ADAMTSL1: variants seen among roughly 807,000 people sequenced by gnomAD.
ADAMTSL1 encodes the protein ADAMTS like 1.
ADAMTSL1 carries 126 observed loss-of-function variants against 201.8 expected under a neutral mutation model. The observed-to-expected ratio is 0.62, with a 90% CI of 0.54 to 0.72. ADAMTSL1 has a LOEUF of 0.72. Ranked by LOEUF, ADAMTSL1 falls within the 30% of genes least tolerant of loss-of-function variation. The pLI is 0.00. For synonymous variants in ADAMTSL1, 1,121 were observed against 903.4 expected (o/e 1.24, Z -4.32); for missense variants, 2,679 against 2,277.8 (o/e 1.18, Z -3.59).
chr9:18,697,562 G>A lies in ADAMTSL1; in HGVS notation c.1575-9185G>A, dbSNP rs564603720. 2.0e-5 allele frequency among the ~76,000 whole-genome samples: 3 copies of A among 152,274 alleles called. No individual in the cohort carries two copies. In the South Asian group the frequency reaches 6.2e-4, roughly 32 times the overall value. On this transcript the variant is annotated intron_variant, in intron 13 of 28. Coordinates refer to ENST00000380548, the MANE Select transcript of ADAMTSL1 (RefSeq NM_001040272.6). Reference sequence around the variant, plus strand: ...ACCCATCTCCCAACAATGTCATAATGAGTTGTATATGTAAAATGCATAAAG... The same window carrying A: ...ACCCATCTCCCAACAATGTCATAATAAGTTGTATATGTAAAATGCATAAAG...
chr9:18,403,848 T>C (rs1011858046), intron 2 of ADAMTSL1, among the ~76,000 whole-genome samples: 85 of 152,288 alleles, frequency 5.6e-4, no homozygotes, highest in African/African-American at 1.9e-3. Flanking sequence ...ATATTTTAAA[T>C]CAATATTCTT....
At position 18,367,961 on chromosome 9, in the gene ADAMTSL1, G is replaced by C. The variant is rs58720165; in HGVS notation, c.208-136868G>C. On this transcript the variant is annotated intron_variant, in intron 2 of 29. Coordinates refer to the ADAMTSL1 transcript ENST00000680146. Reference sequence around the variant, plus strand: ...GTCGCCCAGGCTGGAGTGCAGTGGCGCGATCTCGGCTCACTACAAGCTCCG... The same window carrying C: ...GTCGCCCAGGCTGGAGTGCAGTGGCCCGATCTCGGCTCACTACAAGCTCCG... Among the ~76,000 whole-genome samples the C allele has an allele frequency of 7.9e-3, 1,196 of 152,044 alleles. 16 individuals are homozygous for C. Among genetic ancestry groups the C allele is most frequent in the African/African-American group, 0.027 (1,117 of 41,484 alleles).
chr9:18,884,204 G>GTATC (rs1239359057), intron 23 of ADAMTSL1, among the ~76,000 whole-genome samples: 4 of 152,142 alleles, frequency 2.6e-5, no homozygotes, highest in African/African-American at 9.7e-5. Context: ...GGCCATTCAT[G>GTATC]TATCTCTTTT....
At chr9:18,293,380 T>G (rs1417258077) in intron 2 of ADAMTSL1, among the ~76,000 whole-genome samples, 1 of 152,210 alleles carries the variant, frequency 6.6e-6, no homozygotes, top group African/African-American at 2.4e-5. Flanking sequence ...TTTGGTGACT[T>G]CTACAAGGAG....
chr9:18,904,789 G>C (rs1449483522), intron 26 of ADAMTSL1, among the ~76,000 whole-genome samples: 9 of 118,912 alleles, frequency 7.6e-5, no homozygotes, highest in Non-Finnish European at 1.3e-4. Flanking sequence ...GTGAATAATA[G>C]TGTCAAACTG....
At chr9:18,557,354 C>T (rs1233394169) in intron 3 of ADAMTSL1, among the ~76,000 whole-genome samples, 2 of 152,102 alleles carry the variant, frequency 1.3e-5, no homozygotes, top group South Asian at 2.1e-4. Context: ...AGCTTTCTCT[C>T]AGGTGAGAAC....
At chr9:18,311,350 A>T (rs78088504) in intron 2 of ADAMTSL1, among the ~76,000 whole-genome samples, 3 of 113,122 alleles carry the variant, frequency 2.7e-5, no homozygotes, top group South Asian at 2.3e-4. Flanking sequence ...AGGGTATAAT[A>T]AAAAAAAAAA....
chr9:18,698,740 A>G (rs1252557595), intron 13 of ADAMTSL1, among the ~76,000 whole-genome samples: 3 of 152,224 alleles, frequency 2.0e-5, no homozygotes, highest in Non-Finnish European at 4.4e-5. Context: ...CTTGCAAGCA[A>G]TGGTCAATTA....
intron 13 of ADAMTSL1, among the ~76,000 whole-genome samples, chr9:18,696,920 G>A (rs186273711): frequency 2.7e-4 from 38 of 140,796 alleles, no homozygotes; most frequent in East Asian, 2.5e-3. Context: ...TTGCTTTGTC[G>A]CCAGGCTGGA....
intron 3 of ADAMTSL1, among the ~76,000 whole-genome samples, chr9:18,571,630 G>A (rs1321149041): frequency 2.6e-5 from 4 of 152,202 alleles, no homozygotes; most frequent in Non-Finnish European, 5.9e-5. Context: ...ATGCTAAGCA[G>A]GAGAGAGCAG....
chr9:18,463,219 A>G (rs1161817206), intron 2 of ADAMTSL1, among the ~76,000 whole-genome samples: 1 of 152,194 alleles, frequency 6.6e-6, no homozygotes, highest in African/African-American at 2.4e-5. Context: ...GTAATTAGAC[A>G]TGGTTAATCA....
intron 23 of ADAMTSL1, among the ~76,000 whole-genome samples, chr9:18,877,335 G>C (rs1182814599): frequency 6.6e-6 from 1 of 152,112 alleles, no homozygotes; most frequent in Non-Finnish European, 1.5e-5. Context: ...TTGTTTTTCT[G>C]GTTCCTTTTC....
intron 25 of ADAMTSL1, among the ~76,000 whole-genome samples, chr9:18,890,000 G>T (rs150044447): frequency 6.6e-6 from 1 of 152,052 alleles, no homozygotes; most frequent in African/African-American, 2.4e-5. Context: ...AGTCCCTAAC[G>T]GGGTCTGTTC....
Position 17,972,230 on chromosome 9 carries a change from G to A in ADAMTSL1, c.87+65308G>A, listed in dbSNP as rs550937843. On this transcript the variant is annotated intron_variant, in intron 1 of 29. Transcript: ENST00000680146. Reference sequence around the variant, plus strand: ...CACAATGTGCAGGTTTGTTACCTATGCATACATGTGCCATGTTGGTGTGCT... The same window carrying A: ...CACAATGTGCAGGTTTGTTACCTATACATACATGTGCCATGTTGGTGTGCT... 4.6e-3 allele frequency among the ~76,000 whole-genome samples: 641 copies of A among 139,528 alleles called. 5 individuals are homozygous for A. Among genetic ancestry groups the A allele is most frequent in the African/African-American group, 0.016 (607 of 37,802 alleles). The allele number at this position is 139,528 out of a possible 152,430, so 91.5% of individuals were successfully genotyped here. A position where few individuals can be genotyped will look rare whatever the true frequency, so the allele number is the denominator to read the frequency against.
At chr9:18,207,141 G>A (rs771915110) in intron 2 of ADAMTSL1, among the ~76,000 whole-genome samples, 21 of 151,866 alleles carry the variant, frequency 1.4e-4, no homozygotes, top group African/African-American at 2.4e-4. Flanking sequence ...CTCCAGCCTG[G>A]GTGATAAGAG....
chr9:18,040,458 A>G (rs1821384394), intron 1 of ADAMTSL1, among the ~76,000 whole-genome samples: 1 of 152,200 alleles, frequency 6.6e-6, no homozygotes, highest in African/African-American at 2.4e-5. Context: ...TGCAAGGTGC[A>G]TAAAACCTTC....
chr9:18,199,940 T>C (rs1829365245), intron 2 of ADAMTSL1, among the ~76,000 whole-genome samples: 1 of 152,106 alleles, frequency 6.6e-6, no homozygotes, highest in Admixed American at 6.6e-5. Context: ...ATTAGTCTTA[T>C]ATAAATATAT....
At chr9:18,223,157 G>A (rs1830325964) in intron 2 of ADAMTSL1, among the ~76,000 whole-genome samples, 1 of 151,944 alleles carries the variant, frequency 6.6e-6, no homozygotes, top group African/African-American at 2.4e-5. Context: ...AGTATTACAT[G>A]TTGAGCATCC....
In ADAMTSL1 at chr9:18,556,056, G is replaced by T. The variant is rs73644242; in HGVS notation, c.238-17974G>T. Among the ~76,000 whole-genome samples, 822 of 152,092 alleles carry T rather than the reference G, an allele frequency of 5.4e-3. 11 individuals are homozygous for T. Among genetic ancestry groups the T allele is most frequent in the African/African-American group, 0.019 (792 of 41,534 alleles). ...AGAGACAGCTCAGCTCTCAGGATCT[G>T]TAAGGAACACTGATGACTTGCAGGG... On this transcript the variant is annotated intron_variant, in intron 3 of 28. Coordinates refer to ENST00000380548, the MANE Select transcript of ADAMTSL1 (RefSeq NM_001040272.6).
Sources: allele counts gnomAD v4.1 joint callset (sites outside exome capture counted in the v4.1 genomes callset), GRCh38; gene constraint gnomAD v4.1.1; transcripts MANE v1.5; gene names NCBI Gene and HGNC (gene_info 2026-07-23, HGNC 2026-07-21).